Variants in AKAP10 observed in about 807,000 individuals in gnomAD.
AKAP10 encodes the protein A-kinase anchoring protein 10.
AKAP10 carries 24 observed loss-of-function variants against 80.8 expected under a neutral mutation model. The ratio of observed to expected loss-of-function variants is 0.30; its 90% confidence interval spans 0.22 to 0.42. The LOEUF (loss-of-function observed/expected upper bound fraction) is 0.42, where lower values mean the gene tolerates loss of function less well. Among genes scored for constraint, AKAP10 ranks in the 10% least tolerant of loss-of-function variants. The pLI is 1.00. For missense variants in AKAP10, 661 were observed against 794.9 expected (o/e 0.83, Z 2.03); for synonymous variants, 291 against 277.7 (o/e 1.05, Z -0.48).
At chr17:19,939,948 C>CA in intron 7 of AKAP10, 99 bp from the exon 8 acceptor site, 1 of 1,286,350 alleles carries the variant, frequency 7.8e-7, no homozygotes, top group Non-Finnish European at 1.0e-6. Context: ...AGGTCATAAG[C>CA]AAAAAACAAA....
intron 1 of AKAP10, among the ~76,000 whole-genome samples, chr17:19,969,115 G>A (rs1002083050): frequency 7.9e-5 from 12 of 152,136 alleles, no homozygotes; most frequent in African/African-American, 1.7e-4. Flanking sequence ...ATGCCAAGGC[G>A]GGTGGATCAC....
At chr17:19,920,213 A>G in intron 11 of AKAP10, 95 bp from the exon 12 acceptor site, 1 of 921,370 alleles carries the variant, frequency 1.1e-6, no homozygotes, top group Non-Finnish European at 1.7e-6. Context: ...TAAATCTAGA[A>G]AGCCAGAAAC....
intron 9 of AKAP10, among the ~76,000 whole-genome samples, chr17:19,934,412 A>G (rs943897252): frequency 1.3e-5 from 2 of 152,130 alleles, no homozygotes; most frequent in Non-Finnish European, 1.5e-5. Flanking sequence ...CAGGGGCATG[A>G]ACACGGCTCA....
At chr17:19,961,262 G>T (rs1315581552) in intron 3 of AKAP10, among the ~76,000 whole-genome samples, 1 of 151,596 alleles carries the variant, frequency 6.6e-6, no homozygotes, top group Non-Finnish European at 1.5e-5. Context: ...ACTGAGGGAG[G>T]ATCACCTGAA....
intron 10 of AKAP10, among the ~76,000 whole-genome samples, chr17:19,925,884 C>T (rs2042870580): frequency 6.6e-6 from 1 of 152,164 alleles, no homozygotes; most frequent in South Asian, 2.1e-4. Flanking sequence ...GATTTCAAAA[C>T]TTATTACAAA....
chr17:19,965,106 A>G (rs1234457551), intron 2 of AKAP10, among the ~76,000 whole-genome samples: 2 of 152,114 alleles, frequency 1.3e-5, no homozygotes, highest in African/African-American at 4.8e-5. Flanking sequence ...TCCCACCCAC[A>G]TTGACTTTAC....
intron 2 of AKAP10, among the ~76,000 whole-genome samples, chr17:19,966,263 T>G (rs977268862): frequency 3.3e-5 from 5 of 152,108 alleles, no homozygotes; most frequent in African/African-American, 1.2e-4. Flanking sequence ...AATAATAAAC[T>G]TCTATCCATT....
chr17:19,956,582 G>T (rs1413533969), intron 4 of AKAP10, among the ~76,000 whole-genome samples: 3 of 152,088 alleles, frequency 2.0e-5, no homozygotes, highest in Admixed American at 2.0e-4. Context: ...TTTGAGCTGG[G>T]GTCTTGCTGT....
At chr17:19,977,546 G>A (rs1034937766) in intron 1 of AKAP10, 46 bp downstream of exon 1, 10 of 1,217,066 alleles carry the variant, frequency 8.2e-6, no homozygotes, top group Middle Eastern at 5.9e-4. Context: ...CCCCACCGCC[G>A]CCCCTGAGGC....
At chr17:19,920,008 T>G in intron 12 of AKAP10, 28 bp downstream of exon 12, 1 of 1,573,434 alleles carries the variant, frequency 6.4e-7, no homozygotes, top group Non-Finnish European at 8.7e-7. Flanking sequence ...AGTAAAGGCT[T>G]AATATGAAGT....
chr17:19,969,856 G>A (rs1002217885), intron 1 of AKAP10, among the ~76,000 whole-genome samples: 3 of 152,116 alleles, frequency 2.0e-5, no homozygotes, highest in African/African-American at 4.8e-5. Flanking sequence ...TCAGGAAGAC[G>A]ACATTTAAAA....
chr17:19,946,277 T>A (rs1334555744), intron 5 of AKAP10, among the ~76,000 whole-genome samples: 478 of 14,138 alleles, frequency 0.034, 2 homozygotes, highest in Non-Finnish European at 0.049. Context: ...ATATATATAT[T>A]TTTTTTTTTT....
At chr17:19,948,801 G>A (rs1048209203) in intron 4 of AKAP10, among the ~76,000 whole-genome samples, 2 of 152,016 alleles carry the variant, frequency 1.3e-5, no homozygotes, top group African/African-American at 2.4e-5. Context: ...AAAGGCTTTG[G>A]GACCTGACCA....
Position 19,958,093 on chromosome 17 carries a change from T to A in AKAP10, c.798A>T (p.Glu266Asp). The change falls in exon 4 of 15, where the codon GAA becomes GAT. Residue 266 changes from glutamate to aspartate, a missense_variant. Coordinates refer to ENST00000225737, the MANE Select transcript of AKAP10 (RefSeq NM_007202.4). ...TGGCTACTGTAAGTGTAGAGGAAGA[T>A]TCTTGGGTTTCCATGGAAACTTGGT... ...GTHQVSMETQ[E>D]SSSTLTVASR... The A allele has an allele frequency of 6.2e-7, 1 of 1,614,184 alleles. No homozygotes were observed. The highest frequency in any genetic ancestry group is 8.5e-7 in the Non-Finnish European group (1 of 1,180,034).
At chr17:19,964,336 A>T (rs142222675) in intron 2 of AKAP10, among the ~76,000 whole-genome samples, 34 of 152,208 alleles carry the variant, frequency 2.2e-4, no homozygotes, top group African/African-American at 7.7e-4. Context: ...CTGATAGTCT[A>T]TCTTTCTTGG....
chr17:19,941,682 A>G (rs781211119), intron 6 of AKAP10, 144 bp downstream of exon 6: 14 of 467,916 alleles, frequency 3.0e-5, no homozygotes, highest in Non-Finnish European at 4.2e-5. Flanking sequence ...GTTAACCAAG[A>G]TAGAGTATGC....
Position 19,977,741 on chromosome 17 carries a change from C to T in AKAP10, c.-62G>A. The T allele has an allele frequency of 9.1e-7, 1 of 1,098,790 alleles. No homozygotes were observed. Among genetic ancestry groups the T allele is most frequent in the Non-Finnish European group, 1.2e-6 (1 of 863,842 alleles). 68.1% of individuals were successfully genotyped at this position (1,098,790 alleles called of 1,614,324 possible). A position where few individuals can be genotyped will look rare whatever the true frequency, so the allele number is the denominator to read the frequency against. ...CGCTGCACTAGCGCGAAAAGGGACCCTTCTTCCGGGAGTGGGCCCCACCGC... is the reference window on the plus strand; with the variant it reads ...CGCTGCACTAGCGCGAAAAGGGACCTTTCTTCCGGGAGTGGGCCCCACCGC... On this transcript the variant is annotated 5_prime_UTR_variant, in exon 1 of 15. Coordinates refer to ENST00000225737, the MANE Select transcript of AKAP10 (RefSeq NM_007202.4).
chr17:19,926,346 T>C (rs1416139826), intron 10 of AKAP10, among the ~76,000 whole-genome samples: 3 of 151,600 alleles, frequency 2.0e-5, no homozygotes, highest in East Asian at 1.9e-4. Flanking sequence ...AAGGCATTTA[T>C]TGAAAACCCA....
At chr17:19,927,256 C>T in intron 10 of AKAP10, among the ~76,000 whole-genome samples, 1 of 152,070 alleles carries the variant, frequency 6.6e-6, no homozygotes, top group East Asian at 1.9e-4. Context: ...ATCACTTCGG[C>T]CCAGGAAGTT....
Sources: allele counts gnomAD v4.1 joint callset (sites outside exome capture counted in the v4.1 genomes callset), GRCh38; gene constraint gnomAD v4.1.1; transcripts MANE v1.5; gene names NCBI Gene and HGNC (gene_info 2026-07-23, HGNC 2026-07-21).